The following TMTC1 variants were observed in gnomAD, a reference collection of about 807,000 sequenced individuals.
The protein encoded by TMTC1 is transmembrane O-mannosyltransferase targeting cadherins 1.
In TMTC1, 73 loss-of-function variants were observed where a neutral mutation model predicts 104.8. The ratio of observed to expected loss-of-function variants is 0.70; its 90% CI spans 0.58 to 0.85. The LOEUF is 0.85. Ranked by LOEUF, TMTC1 falls within the 40% of genes least tolerant of loss-of-function variation. The pLI is 0.00. For synonymous variants in TMTC1, 434 were observed against 428.7 expected, an observed-to-expected ratio of 1.01 and a Z score of -0.15; for missense variants, 1,035 against 1,096.1, an observed-to-expected ratio of 0.94 and a Z score of 0.79.
chr12:29,513,813 T>G (rs1943906129), intron 16 of TMTC1, among the ~76,000 whole-genome samples: 1 of 152,148 alleles, frequency 6.6e-6, no homozygotes, highest in Non-Finnish European at 1.5e-5. Flanking sequence ...ATGCAGTCCC[T>G]CTCTACAAGG....
chr12:29,734,479 A>G (rs933896528), intron 5 of TMTC1, among the ~76,000 whole-genome samples: 6 of 152,198 alleles, frequency 3.9e-5, no homozygotes, highest in Non-Finnish European at 8.8e-5. Context: ...GGGCTGCTGC[A>G]GTAAGCAGGT....
At chr12:29,779,219 C>T (rs760311365) in intron 1 of TMTC1, among the ~76,000 whole-genome samples, 4 of 152,232 alleles carry the variant, frequency 2.6e-5, no homozygotes, top group Admixed American at 6.5e-5. Flanking sequence ...CTGGCAGCAA[C>T]AAAACCTATG....
At chr12:29,522,159 A>G (rs1944187104) in intron 11 of TMTC1, among the ~76,000 whole-genome samples, 1 of 152,238 alleles carries the variant, frequency 6.6e-6, no homozygotes, top group Non-Finnish European at 1.5e-5. Context: ...CACATGACAA[A>G]GGAATGTAGA....
chr12:29,643,627 AT>A (rs1565733213), intron 5 of TMTC1, among the ~76,000 whole-genome samples: 69 of 17,266 alleles, frequency 4.0e-3, no homozygotes, highest in African/African-American at 0.013. Flanking sequence ...ATATCTATAT[AT>A]TATATATATA....
At chr12:29,775,618 G>A (rs189407957) in intron 1 of TMTC1, among the ~76,000 whole-genome samples, 9 of 152,246 alleles carry the variant, frequency 5.9e-5, no homozygotes, top group African/African-American at 2.2e-4. Context: ...GCACATCAAG[G>A]TATGATTACC....
chr12:29,522,938 A>C (rs1944222055), intron 11 of TMTC1, among the ~76,000 whole-genome samples: 1 of 152,236 alleles, frequency 6.6e-6, no homozygotes, highest in Non-Finnish European at 1.5e-5. Flanking sequence ...ACGTTGGTTT[A>C]TCATGCTGGT....
At chr12:29,558,335 T>C (rs1945298219) in intron 9 of TMTC1, among the ~76,000 whole-genome samples, 1 of 152,182 alleles carries the variant, frequency 6.6e-6, no homozygotes, top group Non-Finnish European at 1.5e-5. Flanking sequence ...ATGCCATGCT[T>C]GCCCCCTGTT....
At chr12:29,734,622 TACTTTA>T (rs1942625305) in intron 5 of TMTC1, among the ~76,000 whole-genome samples, 1 of 152,182 alleles carries the variant, frequency 6.6e-6, no homozygotes, top group Admixed American at 6.5e-5. Flanking sequence ...CTGAGCAAAA[TACTTTA>T]AGAATATACC....
At chr12:29,657,193 C>G (rs1386748149) in intron 5 of TMTC1, among the ~76,000 whole-genome samples, 1 of 152,102 alleles carries the variant, frequency 6.6e-6, no homozygotes, top group East Asian at 1.9e-4. Flanking sequence ...GGAATGAAAT[C>G]AACCCAAAGC....
At chr12:29,595,128 T>C (rs180925859) in intron 7 of TMTC1, among the ~76,000 whole-genome samples, 2 of 152,370 alleles carry the variant, frequency 1.3e-5, no homozygotes, top group Admixed American at 1.3e-4. Flanking sequence ...TAAATTTTAC[T>C]TTCAAATCCT....
chr12:29,754,117 G>C (rs1943157441), intron 4 of TMTC1, among the ~76,000 whole-genome samples: 2 of 150,842 alleles, frequency 1.3e-5, no homozygotes, highest in South Asian at 4.2e-4. Flanking sequence ...TGCCGGCCTT[G>C]GCCTCCCAAA....
chr12:29,603,680 C>T (rs772106161), intron 7 of TMTC1, among the ~76,000 whole-genome samples: 5 of 152,176 alleles, frequency 3.3e-5, no homozygotes, highest in African/African-American at 4.8e-5. Context: ...TAATCACACA[C>T]ATTTGAATGT....
chr12:29,567,294 T>C (rs971558840), intron 9 of TMTC1, among the ~76,000 whole-genome samples: 1 of 152,194 alleles, frequency 6.6e-6, no homozygotes, highest in Non-Finnish European at 1.5e-5. Context: ...GAAAAAGTGG[T>C]CTAAGATAGC....
chr12:29,535,998 C>T (rs1944630888), intron 11 of TMTC1: 6 of 538,410 alleles, frequency 1.1e-5, no homozygotes, highest in East Asian at 3.3e-5. Flanking sequence ...TGGCCAATAA[C>T]GGACCATCTT....
intron 5 of TMTC1, among the ~76,000 whole-genome samples, chr12:29,678,143 C>T (rs12371237): frequency 6.6e-6 from 1 of 152,058 alleles, no homozygotes; most frequent in African/African-American, 2.4e-5. Flanking sequence ...GTGATACATA[C>T]AAGAATCAGA....
At chr12:29,667,321 C>T (rs1257058160) in intron 5 of TMTC1, among the ~76,000 whole-genome samples, 1 of 152,126 alleles carries the variant, frequency 6.6e-6, no homozygotes, top group African/African-American at 2.4e-5. Flanking sequence ...AACAATGATG[C>T]ATATTTCAGT....
chr12:29,643,323 C>T (rs887418091), intron 5 of TMTC1, among the ~76,000 whole-genome samples: 1 of 149,380 alleles, frequency 6.7e-6, no homozygotes, highest in Non-Finnish European at 1.5e-5. Context: ...AGTTATTATT[C>T]GAAAAAGATA....
chr12:29,542,614 G>C (rs752225654), intron 10 of TMTC1, among the ~76,000 whole-genome samples: 12 of 152,028 alleles, frequency 7.9e-5, no homozygotes, highest in Non-Finnish European at 1.3e-4. Flanking sequence ...TGGGGCCCAG[G>C]AATCATTAGG....
chr12:29,774,122 G>C (rs1427564329), intron 1 of TMTC1, among the ~76,000 whole-genome samples: 1 of 152,070 alleles, frequency 6.6e-6, no homozygotes, highest in African/African-American at 2.4e-5. Flanking sequence ...ATTATGCCAG[G>C]GAGATTTTAG....
Sources: allele counts gnomAD v4.1 joint callset (sites outside exome capture counted in the v4.1 genomes callset), GRCh38; gene constraint gnomAD v4.1.1; transcripts MANE v1.5; gene names NCBI Gene and HGNC (gene_info 2026-07-23, HGNC 2026-07-21).